The following RNF180 variants were observed in gnomAD, a reference collection of about 807,000 sequenced individuals.
RNF180 encodes E3 ubiquitin-protein ligase RNF180.
A neutral mutation model predicts 59.2 loss-of-function variants in RNF180; 38 were observed. That is an observed-to-expected ratio of 0.64 (90% CI 0.50 to 0.84). The LOEUF (loss-of-function observed/expected upper bound fraction) is 0.84. Among genes scored for constraint, RNF180 ranks in the 40% least tolerant of loss-of-function variants. RNF180 has a pLI of 0.00. For missense variants in RNF180, 705 were observed against 700.9 expected (o/e 1.01, Z -0.07); for synonymous variants, 262 against 240.3 (o/e 1.09, Z -0.84).
chr5:64,309,060 CAAA>C (rs911771453), intron 5 of RNF180, among the ~76,000 whole-genome samples: 1 of 151,626 alleles, frequency 6.6e-6, no homozygotes, highest in Non-Finnish European at 1.5e-5. Context: ...TCCACGTAAT[CAAA>C]AAGTCTATTA....
chr5:64,247,961 T>G (rs1196339113), intron 5 of RNF180, among the ~76,000 whole-genome samples: 1 of 152,156 alleles, frequency 6.6e-6, no homozygotes, highest in African/African-American at 2.4e-5. Context: ...GCCACACATC[T>G]AAAACCATCT....
intron 6 of RNF180, among the ~76,000 whole-genome samples, chr5:64,326,023 A>G (rs956840084): frequency 1.3e-5 from 2 of 152,202 alleles, no homozygotes; most frequent in Non-Finnish European, 2.9e-5. Flanking sequence ...GGGTAGAATG[A>G]TAGAATTCAC....
intron 5 of RNF180, among the ~76,000 whole-genome samples, chr5:64,302,026 C>A (rs1309920154): frequency 6.6e-6 from 1 of 151,528 alleles, no homozygotes; most frequent in Non-Finnish European, 1.5e-5. Flanking sequence ...ATGTAAAATA[C>A]CCACTCCACA....
At chr5:64,277,190 A>AT (rs372742271) in intron 5 of RNF180, among the ~76,000 whole-genome samples, 1 of 140,738 alleles carries the variant, frequency 7.1e-6, no homozygotes, top group African/African-American at 2.8e-5. Context: ...AAAAAAAAAA[A>AT]GGGGAAAAAA....
In RNF180 at chr5:64,307,724, A is replaced by G. The variant is rs577760616; in HGVS notation, c.1228-17462A>G. Among the ~76,000 whole-genome samples the G allele has an allele frequency of 1.6e-4, 25 of 151,906 alleles. 1 individual carries two copies. Among genetic ancestry groups the G allele is most frequent in the African/African-American group, 2.2e-4 (9 of 41,502 alleles). On this transcript the variant is annotated intron_variant, in intron 5 of 7. Coordinates refer to ENST00000389100, the MANE Select transcript of RNF180 (RefSeq NM_001113561.2). ...GTTCATTAGCAAAATCATCTAACAT[A>G]AAGCCTATTTTATAATAAAGTGTTG...
At chr5:64,265,624 C>T (rs565069125) in intron 5 of RNF180, among the ~76,000 whole-genome samples, 15 of 152,266 alleles carry the variant, frequency 9.9e-5, no homozygotes, top group African/African-American at 3.1e-4. Flanking sequence ...GTTTTGGTTT[C>T]TGTAGCCTTG....
chr5:64,370,867 A>ACCT lies in RNF180; in HGVS notation c.*1053_*1054insCCT, dbSNP rs1746636551. 1 of 151,642 alleles carries ACCT rather than the reference A, an allele frequency of 6.6e-6. No homozygotes were observed. The highest frequency in any genetic ancestry group is 1.5e-5 in the Non-Finnish European group (1 of 67,730). 9.4% of individuals were successfully genotyped at this position (151,642 alleles called of 1,614,324 possible). A position where few individuals can be genotyped will look rare whatever the true frequency, so the allele number is the denominator to read the frequency against. On this transcript the variant is annotated 3_prime_UTR_variant, in exon 8 of 8. Coordinates refer to ENST00000389100, the MANE Select transcript of RNF180 (RefSeq NM_001113561.2). ...GTGGTCTTTGTGAAACCTGGGACAA[A>ACCT]GTTTTTATTATGAATTACTAATCCA... is the stretch of plus-strand genomic sequence containing the variant.
At chr5:64,193,933 A>T (rs1751311956) in intron 1 of RNF180, among the ~76,000 whole-genome samples, 1 of 152,232 alleles carries the variant, frequency 6.6e-6, no homozygotes, top group Non-Finnish European at 1.5e-5. Flanking sequence ...GTTATCAAAC[A>T]GAGGCAAGCA....
chr5:64,210,279 C>T (rs1239712649), intron 2 of RNF180, among the ~76,000 whole-genome samples: 1 of 152,114 alleles, frequency 6.6e-6, no homozygotes, highest in African/African-American at 2.4e-5. Flanking sequence ...GGTGGCTCTT[C>T]ACAGAGTTCA....
At chr5:64,307,197 A>C (rs2112471157) in intron 5 of RNF180, among the ~76,000 whole-genome samples, 1 of 150,150 alleles carries the variant, frequency 6.7e-6, no homozygotes, top group South Asian at 2.1e-4. Context: ...ACAAGCCCCC[A>C]GGAAATCTCA....
At position 64,369,695 on chromosome 5, in the gene RNF180, G is replaced by C. The variant is rs1746592297; in HGVS notation, c.1660G>C (p.Asp554His). The C allele has an allele frequency of 6.5e-7, 1 of 1,548,224 alleles. No individual in the cohort carries two copies. Among genetic ancestry groups the C allele is most frequent in the Non-Finnish European group, 8.7e-7 (1 of 1,145,186 alleles). ...AHRMDYLHFE[D>H]DSRGWWFDMD... ...CAGGATGGATTACCTGCACTTTGAGGATGATAGCCGTGGATGGTGGTTTGA... is the reference window on the plus strand; with the variant it reads ...CAGGATGGATTACCTGCACTTTGAGCATGATAGCCGTGGATGGTGGTTTGA... Residue 554 changes from aspartate to histidine, a missense_variant, in exon 8 of 8, where the codon GAT becomes CAT. Physicochemically the swap from Asp to His is moderately conservative, Grantham distance 81. Coordinates refer to ENST00000389100, the MANE Select transcript of RNF180 (RefSeq NM_001113561.2).
intron 5 of RNF180, among the ~76,000 whole-genome samples, chr5:64,310,670 C>G (rs1561253206): frequency 1.3e-5 from 2 of 151,806 alleles, no homozygotes; most frequent in African/African-American, 4.8e-5. Context: ...GCACATAGTT[C>G]TTTTGTAAAT....
chr5:64,181,858 G>A lies in RNF180; in HGVS notation c.-1+15905G>A, dbSNP rs192877104. On this transcript the variant is annotated intron_variant, in intron 1 of 7. Transcript: ENST00000389100. ...ATGAACACCGTGTTTTATATCAGTA[G>A]TGCTCAATCTGTGTTTCAGGGATTC... is the stretch of plus-strand genomic sequence containing the variant. 7.9e-3 allele frequency among the ~76,000 whole-genome samples: 1,205 copies of A among 152,238 alleles called. 10 individuals carry two copies. The highest frequency in any genetic ancestry group is 0.011 in the Non-Finnish European group (721 of 68,024).
chr5:64,346,034 A>T (rs1745539767), intron 7 of RNF180, among the ~76,000 whole-genome samples: 1 of 152,144 alleles, frequency 6.6e-6, no homozygotes, highest in South Asian at 2.1e-4. Context: ...ATTAATTTCA[A>T]ATCAATCAAA....
At chr5:64,303,854 G>T (rs1234265700) in intron 5 of RNF180, among the ~76,000 whole-genome samples, 1 of 151,632 alleles carries the variant, frequency 6.6e-6, no homozygotes, top group Non-Finnish European at 1.5e-5. Context: ...ACAGCCTTCT[G>T]TTGGAAGAAG....
At chr5:64,270,517 C>G (rs954208190) in intron 5 of RNF180, among the ~76,000 whole-genome samples, 1 of 152,074 alleles carries the variant, frequency 6.6e-6, no homozygotes, top group South Asian at 2.1e-4. Flanking sequence ...TCATGTCATG[C>G]TGTTTATGTA....
intron 5 of RNF180, among the ~76,000 whole-genome samples, chr5:64,225,962 AGTG>A (rs1741717731): frequency 1.8e-5 from 2 of 112,370 alleles, no homozygotes; most frequent in African/African-American, 7.0e-5. Context: ...CCGTCTGGGA[AGTG>A]AGGAGCGCCT....
chr5:64,361,313 G>A (rs1462857821), intron 7 of RNF180, among the ~76,000 whole-genome samples: 2 of 151,294 alleles, frequency 1.3e-5, no homozygotes, highest in East Asian at 3.9e-4. Context: ...ATGAAGGAAT[G>A]GTATATATGA....
chr5:64,313,001 G>A (rs1743850893), intron 5 of RNF180, among the ~76,000 whole-genome samples: 1 of 152,070 alleles, frequency 6.6e-6, no homozygotes, highest in South Asian at 2.1e-4. Flanking sequence ...TAAAATGCTT[G>A]AGATCAGAAG....
Sources: allele counts gnomAD v4.1 joint callset (sites outside exome capture counted in the v4.1 genomes callset), GRCh38; gene constraint gnomAD v4.1.1; transcripts MANE v1.5; gene names NCBI Gene and HGNC (gene_info 2026-07-23, HGNC 2026-07-21).